Variants in PPP2R5E observed in about 807,000 individuals in gnomAD.
PPP2R5E encodes the protein serine/threonine-protein phosphatase 2A 56 kDa regulatory subunit epsilon isoform.
Under a neutral mutation model 65.3 loss-of-function variants are expected in PPP2R5E, and 4 were observed. That is an observed-to-expected ratio of 0.06 (90% confidence interval 0.03 to 0.14). The LOEUF (loss-of-function observed/expected upper bound fraction) is 0.14, where lower values mean the gene tolerates loss of function less well. Among genes scored for constraint, PPP2R5E ranks in the 10% least tolerant of loss-of-function variants. PPP2R5E has a pLI of 1.00. For synonymous variants in PPP2R5E, 183 were observed against 187.4 expected (o/e 0.98, Z 0.19); for missense variants, 274 against 556.1 (o/e 0.49, Z 5.10).
intron 2 of PPP2R5E, among the ~76,000 whole-genome samples, chr14:63,491,602 C>T (rs766663239): frequency 6.6e-6 from 1 of 152,206 alleles, no homozygotes; most frequent in East Asian, 1.9e-4. Flanking sequence ...AATGGCAACA[C>T]TTTGGGAGGC....
In PPP2R5E at chr14:63,461,186, G is replaced by C. The variant is rs73274646; in HGVS notation, c.158-7301C>G. Among the ~76,000 whole-genome samples the C allele has an allele frequency of 3.7e-3, 569 of 152,314 alleles. 2 individuals are homozygous for C. The highest frequency in any genetic ancestry group is 0.013 in the African/African-American group (537 of 41,570). On this transcript the variant is annotated intron_variant, in intron 2 of 13. Coordinates refer to ENST00000337537, the MANE Select transcript of PPP2R5E (RefSeq NM_006246.5). ...AAGGGCTTATTTCCAGGGCAGTAAT[G>C]CCAGGAGGGAAAGAACCGAGGCCTT... is the stretch of plus-strand genomic sequence containing the variant.
chr14:63,394,037 C>A, intron 7 of PPP2R5E, 109 bp from the exon 8 acceptor site: 37 of 384,164 alleles, frequency 9.6e-5, no homozygotes, highest in Non-Finnish European at 1.4e-4. Context: ...TACAAAACAA[C>A]ATAATACCCA....
At chr14:63,477,262 T>C (rs1236710381) in intron 2 of PPP2R5E, among the ~76,000 whole-genome samples, 1 of 152,160 alleles carries the variant, frequency 6.6e-6, no homozygotes, top group Non-Finnish European at 1.5e-5. Context: ...ATGTGCAATG[T>C]AGTAATATTA....
Position 63,501,384 on chromosome 14 carries a change from G to A in PPP2R5E, c.157+38145C>T, listed in dbSNP as rs181208012. On this transcript the variant is annotated intron_variant, in intron 2 of 13. Coordinates refer to ENST00000337537, the MANE Select transcript of PPP2R5E (RefSeq NM_006246.5). Reference sequence around the variant, plus strand: ...AGTGCCACTGCACTCCAGCCTGGGCGACAGAGCAAGACTCCGTCTCAAAAA... The same window carrying A: ...AGTGCCACTGCACTCCAGCCTGGGCAACAGAGCAAGACTCCGTCTCAAAAA... 4.5e-3 allele frequency among the ~76,000 whole-genome samples: 656 copies of A among 145,700 alleles called. 12 individuals carry two copies. The highest frequency in any genetic ancestry group is 0.024 in the Admixed American group (342 of 14,264).
intron 4 of PPP2R5E, among the ~76,000 whole-genome samples, chr14:63,417,960 T>G (rs961392542): frequency 1.6e-4 from 24 of 152,222 alleles, no homozygotes; most frequent in African/African-American, 5.5e-4. Flanking sequence ...ACCACTGATT[T>G]AAATGTTTCT....
At chr14:63,381,971 G>A (rs184725898) in intron 13 of PPP2R5E, 85 bp downstream of exon 13, 4 of 1,035,052 alleles carry the variant, frequency 3.9e-6, no homozygotes, top group African/African-American at 1.6e-5. Context: ...TAAGATTTGG[G>A]GTACAATTAG....
rs757256290 is a variant in PPP2R5E, at chr14:63,539,515, G to A, written c.157+14C>T. On this transcript the variant is annotated intron_variant, in intron 2 of 13. Coordinates refer to ENST00000337537, the MANE Select transcript of PPP2R5E (RefSeq NM_006246.5). ...CAATTGAAAAAGAATGCATCACCTGGTCATGAGCCTTACCTTTTAGCAGCG... is the reference window on the plus strand; with the variant it reads ...CAATTGAAAAAGAATGCATCACCTGATCATGAGCCTTACCTTTTAGCAGCG... 3 of 1,611,216 alleles carry A rather than the reference G, an allele frequency of 1.9e-6. No homozygotes were observed. Among genetic ancestry groups the A allele is most frequent in the Admixed American group, 1.7e-5 (1 of 59,698 alleles).
intron 7 of PPP2R5E, 119 bp downstream of exon 7, chr14:63,395,107 T>C: frequency 1.3e-6 from 1 of 777,392 alleles, no homozygotes; most frequent in Non-Finnish European, 2.1e-6. Flanking sequence ...TAGGCACAAA[T>C]GAGAGAGACC....
At chr14:63,474,164 AT>A (rs1483270951) in intron 2 of PPP2R5E, among the ~76,000 whole-genome samples, 1 of 152,230 alleles carries the variant, frequency 6.6e-6, no homozygotes, top group African/African-American at 2.4e-5. Flanking sequence ...CAAATTAGAG[AT>A]AATTTACTGG....
At chr14:63,521,992 G>A (rs898230247) in intron 2 of PPP2R5E, among the ~76,000 whole-genome samples, 4 of 114,566 alleles carry the variant, frequency 3.5e-5, no homozygotes, top group East Asian at 3.0e-4. Flanking sequence ...CTCTGATACC[G>A]AGCCGAAGCT....
At chr14:63,446,016 A>G (rs2139448555) in intron 3 of PPP2R5E, among the ~76,000 whole-genome samples, 1 of 152,370 alleles carries the variant, frequency 6.6e-6, no homozygotes, top group African/African-American at 2.4e-5. Flanking sequence ...CTAAGTTTAC[A>G]TAATGTTCTA....
intron 2 of PPP2R5E, among the ~76,000 whole-genome samples, chr14:63,481,634 A>G (rs1230246695): frequency 6.6e-6 from 1 of 152,176 alleles, no homozygotes; most frequent in African/African-American, 2.4e-5. Context: ...TACATTTCCA[A>G]TAACTATTTA....
At chr14:63,475,859 A>C (rs1475625713) in intron 2 of PPP2R5E, among the ~76,000 whole-genome samples, 1 of 152,214 alleles carries the variant, frequency 6.6e-6, no homozygotes, top group Non-Finnish European at 1.5e-5. Context: ...TTCAGGCCCT[A>C]TAATTTTAAC....
chr14:63,393,184 A>C (rs924216836), intron 8 of PPP2R5E, among the ~76,000 whole-genome samples: 1 of 151,926 alleles, frequency 6.6e-6, no homozygotes, highest in African/African-American at 2.4e-5. Context: ...ACATAGTCCA[A>C]AGATCTACAT....
chr14:63,418,042 T>C (rs895927991), intron 4 of PPP2R5E, among the ~76,000 whole-genome samples: 1 of 152,194 alleles, frequency 6.6e-6, no homozygotes, highest in African/African-American at 2.4e-5. Context: ...TATAAAACTA[T>C]GTTTTTCTCC....
At chr14:63,523,094 AG>A (rs1333435749) in intron 2 of PPP2R5E, among the ~76,000 whole-genome samples, 1 of 147,200 alleles carries the variant, frequency 6.8e-6, no homozygotes, top group Non-Finnish European at 1.5e-5. Context: ...TGGGGGGGTC[AG>A]CCCCCCGCCC....
At chr14:63,403,840 G>C (rs938723112) in intron 5 of PPP2R5E, among the ~76,000 whole-genome samples, 5 of 151,820 alleles carry the variant, frequency 3.3e-5, no homozygotes, top group African/African-American at 1.2e-4. Flanking sequence ...TATGTGCCTT[G>C]GAATGAACAA....
At chr14:63,473,482 T>C (rs892978403) in intron 2 of PPP2R5E, among the ~76,000 whole-genome samples, 6 of 152,178 alleles carry the variant, frequency 3.9e-5, no homozygotes, top group Non-Finnish European at 8.8e-5. Context: ...ACCAAGATGA[T>C]GAAGTGCCCG....
chr14:63,381,341 GC>G (rs144809109), intron 13 of PPP2R5E, among the ~76,000 whole-genome samples: 1,563 of 152,242 alleles, frequency 0.01, 34 homozygotes, highest in African/African-American at 0.035. Flanking sequence ...GATAAATGGT[GC>G]CTCATTCCCC....
Sources: gnomAD v4.1 joint callset for allele counts (sites outside exome capture counted in the v4.1 genomes callset) on GRCh38, gnomAD v4.1.1 for gene constraint, MANE v1.5 for transcripts, NCBI Gene and HGNC (gene_info 2026-07-23, HGNC 2026-07-21) for gene names.